Variants in USH2A observed in about 807,000 individuals in gnomAD.
USH2A encodes the protein Usher syndrome 2A (autosomal recessive, mild).
USH2A carries 443 observed loss-of-function variants against 538.9 expected under a neutral mutation model. The observed-to-expected ratio is 0.82, with a 90% confidence interval of 0.76 to 0.89. The LOEUF is 0.89. Among genes scored for constraint, USH2A ranks in the 40% least tolerant of loss-of-function variants. USH2A has a pLI of 0.00. For missense variants in USH2A, 6,633 were observed against 6,324.8 expected, an observed-to-expected ratio of 1.05 and a Z score of -1.65; for synonymous variants, 2,413 against 2,273.5, an observed-to-expected ratio of 1.06 and a Z score of -1.75.
At chr1:216,003,916 G>A (rs1367151124) in intron 32 of USH2A, among the ~76,000 whole-genome samples, 2 of 152,118 alleles carry the variant, frequency 1.3e-5, no homozygotes, top group East Asian at 3.9e-4. Flanking sequence ...TATCAAGTAA[G>A]TGGGGGCCAG....
chr1:215,951,863 T>A (rs1019122695), intron 37 of USH2A, among the ~76,000 whole-genome samples: 1 of 149,066 alleles, frequency 6.7e-6, no homozygotes, highest in Non-Finnish European at 1.5e-5. Flanking sequence ...ATTTTTTATT[T>A]TTTTTATTTT....
At chr1:216,166,348 A>G (rs1265468524) in intron 21 of USH2A, among the ~76,000 whole-genome samples, 1 of 152,148 alleles carries the variant, frequency 6.6e-6, no homozygotes, top group Non-Finnish European at 1.5e-5. Flanking sequence ...GTCTAGAGCT[A>G]GAGAGTATAC....
intron 64 of USH2A, among the ~76,000 whole-genome samples, chr1:215,670,234 C>A (rs577376058): frequency 6.6e-6 from 1 of 152,170 alleles, no homozygotes; most frequent in Admixed American, 6.5e-5. Context: ...AGGGGCTGAG[C>A]GGCTCATGTG....
At chr1:215,726,200 G>A (rs998739583) in intron 61 of USH2A, among the ~76,000 whole-genome samples, 1 of 152,140 alleles carries the variant, frequency 6.6e-6, no homozygotes, top group Non-Finnish European at 1.5e-5. Context: ...TGAGTTTGAA[G>A]GATATGGTGG....
chr1:216,334,943 C>G (rs1424984402), intron 4 of USH2A, among the ~76,000 whole-genome samples: 1 of 151,682 alleles, frequency 6.6e-6, no homozygotes, highest in Non-Finnish European at 1.5e-5. Flanking sequence ...ACTTTATAAA[C>G]CAATTAGACT....
chr1:216,387,542 C>A (rs1414683015), intron 3 of USH2A, among the ~76,000 whole-genome samples: 2 of 152,186 alleles, frequency 1.3e-5, no homozygotes, highest in African/African-American at 4.8e-5. Context: ...AATTATTAGC[C>A]ATGAAAATTT....
At chr1:215,933,680 G>A (rs942537924) in intron 38 of USH2A, among the ~76,000 whole-genome samples, 38 of 151,834 alleles carry the variant, frequency 2.5e-4, no homozygotes, top group African/African-American at 8.5e-4. Context: ...CTTCATAACT[G>A]GAAGTGGGGT....
chr1:215,856,531 C>CA, intron 44 of USH2A, among the ~76,000 whole-genome samples: 1 of 152,046 alleles, frequency 6.6e-6, no homozygotes, highest in Middle Eastern at 3.4e-3. Flanking sequence ...TGGCCATAAT[C>CA]AAAAAACCAA....
chr1:216,379,695 T>C (rs754644165), intron 3 of USH2A, among the ~76,000 whole-genome samples: 4 of 152,174 alleles, frequency 2.6e-5, no homozygotes, highest in Non-Finnish European at 4.4e-5. Flanking sequence ...GGAGAAAGTG[T>C]CATTCCATCT....
chr1:216,117,294 A>G (rs940496531), intron 21 of USH2A, among the ~76,000 whole-genome samples: 1 of 152,166 alleles, frequency 6.6e-6, no homozygotes, highest in Non-Finnish European at 1.5e-5. Flanking sequence ...GTAGTTTGAA[A>G]ATACTAAGAT....
At chr1:216,337,014 G>A (rs1425761172) in intron 4 of USH2A, among the ~76,000 whole-genome samples, 1 of 151,364 alleles carries the variant, frequency 6.6e-6, no homozygotes, top group Non-Finnish European at 1.5e-5. Context: ...AATAGTCTGT[G>A]GGCATCAAAT....
chr1:216,109,103 C>T (rs2199103), intron 21 of USH2A, among the ~76,000 whole-genome samples: 3,800 of 152,138 alleles, frequency 0.025, 172 homozygotes, highest in African/African-American at 0.085. Flanking sequence ...ATATTTTTGG[C>T]TCATATTTGG....
chr1:215,672,558 A>G (rs1034427848), intron 63 of USH2A, among the ~76,000 whole-genome samples: 1 of 152,188 alleles, frequency 6.6e-6, no homozygotes, highest in Non-Finnish European at 1.5e-5. Flanking sequence ...GATTTCCCAC[A>G]TAAAGATTAT....
At chr1:215,980,271 T>C (rs977634567) in intron 35 of USH2A, among the ~76,000 whole-genome samples, 1 of 151,968 alleles carries the variant, frequency 6.6e-6, no homozygotes, top group East Asian at 1.9e-4. Context: ...ATGAGAGAAA[T>C]AGATGACAAG....
chr1:216,354,849 A>G (rs2038354014), intron 4 of USH2A, among the ~76,000 whole-genome samples: 1 of 152,142 alleles, frequency 6.6e-6, no homozygotes. Flanking sequence ...GAAAAGTTTG[A>G]AGATACAACT....
intron 22 of USH2A, among the ~76,000 whole-genome samples, chr1:216,089,552 TAGAG>T (rs1361774147): frequency 1.3e-5 from 2 of 152,052 alleles, no homozygotes; most frequent in South Asian, 2.1e-4. Context: ...GTTCTGAAGA[TAGAG>T]AGATGTCAGA....
intron 58 of USH2A, among the ~76,000 whole-genome samples, chr1:215,751,134 T>G (rs1660608758): frequency 6.6e-6 from 1 of 152,168 alleles, no homozygotes; most frequent in Non-Finnish European, 1.5e-5. Flanking sequence ...TTTAAATGCA[T>G]AGTATCTGAA....
chr1:216,173,729 G>A (rs1265016591), intron 21 of USH2A, among the ~76,000 whole-genome samples: 1 of 152,122 alleles, frequency 6.6e-6, no homozygotes, highest in Non-Finnish European at 1.5e-5. Context: ...AACAACAGTA[G>A]GTGATCCCAT....
At chr1:216,089,653 A>G (rs777932252) in intron 22 of USH2A, among the ~76,000 whole-genome samples, 15 of 152,072 alleles carry the variant, frequency 9.9e-5, no homozygotes, top group African/African-American at 3.4e-4. Flanking sequence ...TACATTAAAC[A>G]TAAGGGTGGA....
Sources: allele counts gnomAD v4.1 joint callset (sites outside exome capture counted in the v4.1 genomes callset), GRCh38; gene constraint gnomAD v4.1.1; transcripts MANE v1.5; gene names NCBI Gene and HGNC (gene_info 2026-07-23, HGNC 2026-07-21).